The following ANAPC15 variants were observed in gnomAD, a reference collection of about 807,000 sequenced individuals.
ANAPC15 encodes the protein anaphase promoting complex subunit 15, also known as anaphase-promoting complex subunit 15.
A neutral mutation model predicts 19.8 loss-of-function variants in ANAPC15; 13 were observed. The observed-to-expected ratio is 0.66, with a 90% confidence interval of 0.43 to 1.04. The LOEUF (loss-of-function observed/expected upper bound fraction) is 1.04, where lower values mean the gene tolerates loss of function less well. Ranked by LOEUF, ANAPC15 falls within the 50% of genes least tolerant of loss-of-function variation. The pLI is 0.00. For missense variants in ANAPC15, 88 were observed against 150.3 expected (o/e 0.59, Z 2.17); for synonymous variants, 45 against 50.7 (o/e 0.89, Z 0.47).
At chr11:72,108,887 G>T (rs371308729), downstream of ANAPC15, 7 of 1,549,544 alleles carry the variant, frequency 4.5e-6, no homozygotes, top group African/African-American at 1.4e-5. Context: ...TGCCATCAAG[G>T]ATGGAATAGC....
chr11:72,109,583 TG>T (rs1464161017), downstream of ANAPC15: 1 of 523,562 alleles, frequency 1.9e-6, no homozygotes, highest in Non-Finnish European at 3.5e-6. Flanking sequence ...GGAATAGACA[TG>T]GGTGGAAAAT....
downstream of ANAPC15, chr11:72,107,358 A>G (rs1591190109): frequency 1.8e-5 from 12 of 655,446 alleles, no homozygotes; most frequent in East Asian, 3.3e-4. Flanking sequence ...ATTCTAACAG[A>G]GACCTTTCAT....
chr11:72,111,363 G>A, intron 2 of ANAPC15, 49 bp downstream of exon 2: 1 of 1,168,072 alleles, frequency 8.6e-7, no homozygotes, highest in South Asian at 1.3e-5. Flanking sequence ...TTAGGGATAG[G>A]GTGGAAGACA....
chr11:72,112,553 G>A (rs531462064), intron 1 of ANAPC15, 97 bp downstream of exon 1: 5 of 407,054 alleles, frequency 1.2e-5, no homozygotes, highest in African/African-American at 1.0e-4. Flanking sequence ...TCTCAATATG[G>A]AGCTCCTGGG....
Position 72,112,637 on chromosome 11 carries a change from C to T in ANAPC15, c.-96+13G>A. 1 of 456,482 alleles carries T rather than the reference C, an allele frequency of 2.2e-6. No homozygotes were observed. The highest frequency in any genetic ancestry group is 4.4e-6 in the Non-Finnish European group (1 of 226,896). 28.3% of individuals were successfully genotyped at this position (456,482 alleles called of 1,614,324 possible). A position where few individuals can be genotyped will look rare whatever the true frequency, so the allele number is the denominator to read the frequency against. On this transcript the variant is annotated intron_variant, in intron 1 of 5. Transcript: ENST00000227618. ...GGGCAAGGAGACGGTTGCAGCCTTG[C>T]GTCTGTACTTACCGCGCCGGGAGGC... is the stretch of plus-strand genomic sequence containing the variant.
chr11:72,110,501 C>G (rs754110853), intron 4 of ANAPC15, 43 bp downstream of exon 4: 1 of 1,611,256 alleles, frequency 6.2e-7, no homozygotes, highest in Non-Finnish European at 8.5e-7. Context: ...AGCCTCGGTC[C>G]ACTGCGGCCC....
chr11:72,109,501 T>G, downstream of ANAPC15: 1 of 386,270 alleles, frequency 2.6e-6, no homozygotes, highest in Non-Finnish European at 5.0e-6. Context: ...GTGTGGCTGA[T>G]GTCCCTTGAG....
chr11:72,110,284 T>G, intron 4 of ANAPC15, 59 bp from the exon 5 acceptor site: 3 of 1,606,414 alleles, frequency 1.9e-6, no homozygotes, highest in Non-Finnish European at 1.7e-6. Context: ...GTTCAAGAAC[T>G]GACCCACTTG....
chr11:72,112,724 C>A (rs1366493294), upstream of ANAPC15: 1 of 456,574 alleles, frequency 2.2e-6, no homozygotes, highest in Non-Finnish European at 4.4e-6. Context: ...CACCAGAATC[C>A]GGGACTCACC....
chr11:72,108,570 C>T (rs1202865794), downstream of ANAPC15: 1 of 1,434,278 alleles, frequency 7.0e-7, no homozygotes, highest in Admixed American at 2.8e-5. Flanking sequence ...AACAATTCCC[C>T]CCACCCTCAC....
intron 4 of ANAPC15, 106 bp downstream of exon 4, chr11:72,110,438 C>G: frequency 6.4e-7 from 1 of 1,558,284 alleles, no homozygotes; most frequent in Middle Eastern, 1.7e-4. Flanking sequence ...TTACCCAGAT[C>G]TGAGAACCAC....
chr11:72,109,983 G>A, intron 5 of ANAPC15, 55 bp from the exon 6 acceptor site: 1 of 1,614,104 alleles, frequency 6.2e-7, no homozygotes, highest in African/African-American at 1.3e-5. Context: ...CTCAGCCCCA[G>A]ATCCTGCCCC....
chr11:72,108,481 A>G, downstream of ANAPC15: 1 of 786,294 alleles, frequency 1.3e-6, no homozygotes, highest in South Asian at 2.4e-5. Flanking sequence ...GGTCAGAGGA[A>G]ATGTGAGAAC....
At chr11:72,110,857 G>T in intron 3 of ANAPC15, 1 of 579,142 alleles carries the variant, frequency 1.7e-6, no homozygotes, top group Non-Finnish European at 3.0e-6. Flanking sequence ...AGCCTAGAAA[G>T]CATCATCTGC....
chr11:72,108,083 A>G, downstream of ANAPC15: 1 of 1,537,156 alleles, frequency 6.5e-7, no homozygotes, highest in Non-Finnish European at 8.8e-7. Flanking sequence ...CAGTGGCTGA[A>G]AAACTCATCC....
chr11:72,107,865 T>C (rs1056732099), downstream of ANAPC15: 7 of 1,538,622 alleles, frequency 4.5e-6, no homozygotes, highest in Middle Eastern at 1.7e-4. Flanking sequence ...AGATATCTTT[T>C]ATCAGGGGCC....
At chr11:72,108,515 C>T (rs1945959255), downstream of ANAPC15, 12 of 1,174,218 alleles carry the variant, frequency 1.0e-5, no homozygotes, top group Admixed American at 9.1e-5. Flanking sequence ...TAAGCCAGGA[C>T]CTGGCATGAA....
intron 4 of ANAPC15, 69 bp from the exon 5 acceptor site, chr11:72,110,294 G>C: frequency 6.2e-7 from 1 of 1,604,624 alleles, no homozygotes; most frequent in South Asian, 1.1e-5. Context: ...TGACCCACTT[G>C]AGCCTCTCTC....
At chr11:72,106,940 CAAA>C (rs34155157), downstream of ANAPC15, 44 of 82,450 alleles carry the variant, frequency 5.3e-4, no homozygotes, top group South Asian at 1.5e-3. Context: ...GAACCTGTCT[CAAA>C]AAAAAAAAAA....
Sources: allele counts gnomAD v4.1 joint callset, GRCh38; gene constraint gnomAD v4.1.1; transcripts MANE v1.5; gene names NCBI Gene and HGNC (gene_info 2026-07-23, HGNC 2026-07-21).